NOS1: variants seen among roughly 807,000 people sequenced by gnomAD.
The protein encoded by NOS1 is NOS type I.
Under a neutral mutation model 164.5 loss-of-function variants are expected in NOS1, and 51 were observed. The ratio of observed to expected loss-of-function variants is 0.31; its 90% confidence interval spans 0.25 to 0.39. The LOEUF is 0.39. Ranked by LOEUF, NOS1 falls within the 10% of genes least tolerant of loss-of-function variation. The pLI, the probability that NOS1 is intolerant of heterozygous loss-of-function variation, is 1.00. For missense variants in NOS1, 1,362 were observed against 1,885.6 expected (o/e 0.72, Z 5.14); for synonymous variants, 719 against 745.8 (o/e 0.96, Z 0.59).
intron 1 of NOS1, among the ~76,000 whole-genome samples, chr12:117,355,376 C>T (rs983022751): frequency 2.0e-5 from 3 of 152,116 alleles, no homozygotes; most frequent in Non-Finnish European, 4.4e-5. Flanking sequence ...GATAATTGGG[C>T]CAATGTTGCT....
chr12:117,236,310 C>A (rs148386820), intron 20 of NOS1, among the ~76,000 whole-genome samples: 571 of 152,204 alleles, frequency 3.8e-3, no homozygotes, highest in Middle Eastern at 0.014. Flanking sequence ...CAATGGGACT[C>A]GCTATTTAAA....
At chr12:117,241,339 T>A (rs1301921318) in intron 20 of NOS1, among the ~76,000 whole-genome samples, 2 of 151,778 alleles carry the variant, frequency 1.3e-5, no homozygotes, top group Non-Finnish European at 2.9e-5. Flanking sequence ...CAAGTCTTGA[T>A]TCTTTGCGCA....
chr12:117,344,917 T>C (rs1045011942), intron 1 of NOS1, among the ~76,000 whole-genome samples: 1 of 152,302 alleles, frequency 6.6e-6, no homozygotes, highest in East Asian at 1.9e-4. Flanking sequence ...TACAGGCTCA[T>C]AGTCAGGAAA....
At chr12:117,344,183 C>T (rs1325230915) in intron 1 of NOS1, among the ~76,000 whole-genome samples, 4 of 152,174 alleles carry the variant, frequency 2.6e-5, no homozygotes, top group Non-Finnish European at 4.4e-5. Flanking sequence ...GCCTAGTATA[C>T]ATTTGCTGGC....
At chr12:117,278,218 C>T in intron 8 of NOS1, 120 bp from the exon 9 acceptor site, 2 of 1,158,652 alleles carry the variant, frequency 1.7e-6, no homozygotes, top group South Asian at 1.8e-5. Flanking sequence ...GGAGACATTT[C>T]CTCTGGAGGC....
At chr12:117,261,018 A>T (rs1871858760) in intron 13 of NOS1, among the ~76,000 whole-genome samples, 2 of 151,934 alleles carry the variant, frequency 1.3e-5, no homozygotes, top group African/African-American at 4.8e-5. Flanking sequence ...AATACAAAAA[A>T]ATTAGCCGGG....
intron 5 of NOS1, among the ~76,000 whole-genome samples, chr12:117,287,310 A>C (rs1872770897): frequency 1.3e-5 from 2 of 152,236 alleles, no homozygotes; most frequent in Non-Finnish European, 2.9e-5. Context: ...TTAGCTATGA[A>C]CATGAACTTA....
rs185596454 is a variant in NOS1, at chr12:117,356,689, G to A, written c.-421+4823C>T. On this transcript the variant is annotated intron_variant, in intron 1 of 28. Transcript: ENST00000317775. This position sits in a 1 kb window ranked among gnomAD's most constrained non-coding sequence, Gnocchi z 4.2. ...CCACGATAACTGCTGTTCATCCTTAGCATCATACGACTGTGCCAAGACCCA... is the reference window on the plus strand; with the variant it reads ...CCACGATAACTGCTGTTCATCCTTAACATCATACGACTGTGCCAAGACCCA... 1.7e-3 allele frequency among the ~76,000 whole-genome samples: 265 copies of A among 152,330 alleles called. No individual in the cohort carries two copies. Among genetic ancestry groups the A allele is most frequent in the African/African-American group, 6.2e-3 (257 of 41,566 alleles).
intron 3 of NOS1, among the ~76,000 whole-genome samples, chr12:117,297,833 T>C (rs925350959): frequency 3.3e-5 from 5 of 151,994 alleles, no homozygotes; most frequent in African/African-American, 1.2e-4. Flanking sequence ...GCACCTGCCC[T>C]TCCCTAGTAG....
rs1869280623 is a variant in NOS1 at position 117,232,035 on chromosome 12, G to A, written c.3332C>T (p.Pro1111Leu). ...YYLDITTPPT[P>L]LQLQQFASLA... is the part of the protein sequence containing the mutation. ...GGAGGCAAACTGCTGCAGCTGCAGAGGCGTTGGTGGCGTGGTGATGTCCAG... is the reference window on the plus strand; with the variant it reads ...GGAGGCAAACTGCTGCAGCTGCAGAAGCGTTGGTGGCGTGGTGATGTCCAG... Residue 1111 changes from proline to leucine, a missense_variant, in exon 22 of 29, where the codon CCT becomes CTT. Pro to Leu is a moderately conservative substitution (Grantham distance 98). This residue lies in a region of NOS1 where 737 missense variants were observed against 1,030.3 expected (regional missense o/e 0.72). Coordinates refer to ENST00000317775, the MANE Select transcript of NOS1 (RefSeq NM_000620.5). 1 of 1,612,512 alleles carries A rather than the reference G, an allele frequency of 6.2e-7. No individual in the cohort carries two copies. Among genetic ancestry groups the A allele is most frequent in the Non-Finnish European group, 8.5e-7 (1 of 1,180,024 alleles).
chr12:117,288,934 G>T (rs1872875530), intron 4 of NOS1, among the ~76,000 whole-genome samples: 1 of 152,160 alleles, frequency 6.6e-6, no homozygotes, highest in Non-Finnish European at 1.5e-5. Flanking sequence ...AACTACAGAT[G>T]CATGAGAAAG....
At chr12:117,263,020 ATTCCTCGATGGTACC>A (rs1332055215) in intron 13 of NOS1, among the ~76,000 whole-genome samples, 1 of 152,032 alleles carries the variant, frequency 6.6e-6, no homozygotes, top group Non-Finnish European at 1.5e-5. Context: ...TCCAGGAACC[ATTCCTCGATGGTACC>A]TTCCACAGCT....
rs182968913 is a variant in NOS1 at position 117,232,454 on chromosome 12, C to T, written c.3236-323G>A. 2.5e-3 allele frequency among the ~76,000 whole-genome samples: 387 copies of T among 152,304 alleles called. 1 individual carries two copies. The highest frequency in any genetic ancestry group is 0.017 in the Middle Eastern group (5 of 294). The stretch of plus-strand genomic sequence containing the variant: ...GTGCGTGACAGAGATAAGCCTATTT[C>T]GGCCCCATGTGTCTTTGCATGGTAT... On this transcript the variant is annotated intron_variant, in intron 21 of 28. Coordinates refer to ENST00000317775, the MANE Select transcript of NOS1 (RefSeq NM_000620.5).
intron 5 of NOS1, 28 bp downstream of exon 5, chr12:117,288,046 G>A (rs373440239): frequency 2.0e-5 from 32 of 1,612,126 alleles, no homozygotes; most frequent in African/African-American, 4.0e-5. Flanking sequence ...AACTTACCTC[G>A]GGCTCCCCGG....
chr12:117,272,199 T>C lies in NOS1; in HGVS notation c.1839+186A>G, dbSNP rs9658378. On this transcript the variant is annotated intron_variant, in intron 10 of 28. Transcript: ENST00000317775. This position sits in a 1 kb window ranked among gnomAD's most constrained non-coding sequence, Gnocchi z 4.3. ...TGCTATGTGCTATGTGCGTGTTTGCTGTTATTTTCATTGTTGTTAAAGACA... is the reference window on the plus strand; with the variant it reads ...TGCTATGTGCTATGTGCGTGTTTGCCGTTATTTTCATTGTTGTTAAAGACA... 9.6e-3 allele frequency among the ~76,000 whole-genome samples: 1,469 copies of C among 152,312 alleles called. 17 individuals are homozygous for C. The highest frequency in any genetic ancestry group is 0.031 in the African/African-American group (1,300 of 41,566).
rs954406988 is a variant in NOS1, at chr12:117,288,180, T to C, written c.1021A>G (p.Met341Val). The C allele has an allele frequency of 1.9e-6, 3 of 1,613,958 alleles. No homozygotes were observed. Among genetic ancestry groups the C allele is most frequent in the Non-Finnish European group, 2.5e-6 (3 of 1,179,958 alleles). ...CTEYICMGSI[M>V]HPSQHARRPE... ...CTCCTTGCATGCTGAGAAGGATGCA[T>C]GATGGAGCCCATGCAGATGTACTCA... is the stretch of plus-strand genomic sequence containing the variant. The change falls in exon 5 of 29, where the codon ATG becomes GTG. Residue 341 changes from methionine to valine, a missense_variant. By Grantham distance (21) the Met-to-Val change is conservative (BLOSUM62 1). This residue lies in a region of NOS1 where 129 missense variants were observed against 186.0 expected (regional missense o/e 0.69). Coordinates refer to ENST00000317775, the MANE Select transcript of NOS1 (RefSeq NM_000620.5).
chr12:117,220,466 G>A (rs1956685662), intron 26 of NOS1, among the ~76,000 whole-genome samples, 197 bp from the exon 27 acceptor site: 1 of 152,182 alleles, frequency 6.6e-6, no homozygotes, highest in South Asian at 2.1e-4. Flanking sequence ...TGGAGGGTGC[G>A]GGAATGCACT....
chr12:117,250,616 G>T (rs1431400873), intron 17 of NOS1, among the ~76,000 whole-genome samples: 19 of 152,098 alleles, frequency 1.2e-4, no homozygotes, highest in Non-Finnish European at 2.4e-4. Flanking sequence ...GGCGTGAGCT[G>T]CCGTGCCCAG....
At chr12:117,322,032 T>C (rs12826953) in intron 2 of NOS1, among the ~76,000 whole-genome samples, 29 of 72,386 alleles carry the variant, frequency 4.0e-4, no homozygotes, top group East Asian at 1.4e-3. Flanking sequence ...CTCCTTCCTT[T>C]CCTCCTTCTC....
Sources: gnomAD v4.1 joint callset for allele counts (sites outside exome capture counted in the v4.1 genomes callset) on GRCh38, gnomAD v4.1.1 for gene constraint, gnomAD v4.1.1 regional missense constraint, Gnocchi (gnomAD v3.1) non-coding constraint, MANE v1.5 for transcripts, NCBI Gene and HGNC (gene_info 2026-07-23, HGNC 2026-07-21) for gene names.